The following ZNF846 variants were observed in gnomAD, a reference collection of about 807,000 sequenced individuals.
The protein encoded by ZNF846 is zinc finger protein 420 pseudogene.
A neutral mutation model predicts 16.0 loss-of-function variants in ZNF846; 15 were observed. That is an observed-to-expected ratio of 0.94 (90% CI 0.63 to 1.45). The LOEUF (loss-of-function observed/expected upper bound fraction) is 1.45. ZNF846 is among the 40% of genes most tolerant of loss of function. The pLI is 0.00. For synonymous variants in ZNF846, 229 were observed against 212.0 expected (o/e 1.08, Z -0.70); for missense variants, 714 against 622.3 (o/e 1.15, Z -1.57).
At chr19:9,784,050 T>C (rs975408403) in intron 1 of ZNF846, among the ~76,000 whole-genome samples, 1 of 152,030 alleles carries the variant, frequency 6.6e-6, no homozygotes, top group Non-Finnish European at 1.5e-5. Flanking sequence ...CAGGCCCATG[T>C]AGATTTTTTT....
downstream of ZNF846, among the ~76,000 whole-genome samples, chr19:9,751,468 TC>T (rs1186403738): frequency 6.6e-6 from 1 of 152,214 alleles, no homozygotes; most frequent in African/African-American, 2.4e-5. Flanking sequence ...CATTGTGACA[TC>T]CCCGGCCCTT....
chr19:9,782,195 T>C (rs1208093241), intron 1 of ZNF846, among the ~76,000 whole-genome samples: 1 of 152,212 alleles, frequency 6.6e-6, no homozygotes, highest in African/African-American at 2.4e-5. Context: ...GGAATGGCAC[T>C]AGCCCTTGTG....
chr19:9,750,408 A>G (rs958170773), downstream of ZNF846, among the ~76,000 whole-genome samples: 1 of 152,028 alleles, frequency 6.6e-6, no homozygotes, highest in African/African-American at 2.4e-5. Context: ...TACAACCTCT[A>G]ATGGCTGCTG....
At chr19:9,763,641 C>A (rs2045266950) in intron 2 of ZNF846, among the ~76,000 whole-genome samples, 1 of 152,192 alleles carries the variant, frequency 6.6e-6, no homozygotes, top group Admixed American at 6.5e-5. Context: ...GCTCTTCTGG[C>A]CTTAGTCCTC....
At chr19:9,778,491 A>G (rs1169326971) in intron 1 of ZNF846, among the ~76,000 whole-genome samples, 1 of 152,178 alleles carries the variant, frequency 6.6e-6, no homozygotes, top group Non-Finnish European at 1.5e-5. Context: ...AATGCAGGTG[A>G]CAGAAAAACA....
chr19:9,765,577 G>A (rs2045302345), intron 1 of ZNF846, among the ~76,000 whole-genome samples: 2 of 152,008 alleles, frequency 1.3e-5, no homozygotes, highest in African/African-American at 4.8e-5. Context: ...GGAGGCTGAG[G>A]AAACAGAATA....
At chr19:9,764,557 C>T (rs1599390510) in intron 2 of ZNF846, among the ~76,000 whole-genome samples, 1 of 152,218 alleles carries the variant, frequency 6.6e-6, no homozygotes, top group East Asian at 1.9e-4. Context: ...TAACCTACCC[C>T]CGCCCTCACT....
chr19:9,763,634 C>A (rs972380938), intron 2 of ZNF846, among the ~76,000 whole-genome samples: 3 of 152,228 alleles, frequency 2.0e-5, no homozygotes, highest in African/African-American at 7.2e-5. Context: ...ACAATGGGCT[C>A]TTCTGGCCTT....
intron 1 of ZNF846, among the ~76,000 whole-genome samples, chr19:9,780,281 G>A (rs10419915): frequency 0.18 from 27,064 of 151,624 alleles, 4,660 homozygotes; most frequent in African/African-American, 0.45. Context: ...CATGTACACT[G>A]CAGCTTACAA....
At chr19:9,760,455 C>T (rs1421802165) in intron 4 of ZNF846, among the ~76,000 whole-genome samples, 2 of 151,390 alleles carry the variant, frequency 1.3e-5, no homozygotes, top group African/African-American at 2.5e-5. Flanking sequence ...AATCCCAGCA[C>T]TTTGGGAGGT....
chr19:9,757,244 CA>C (rs569537505), downstream of ZNF846, among the ~76,000 whole-genome samples: 10 of 151,388 alleles, frequency 6.6e-5, no homozygotes, highest in Admixed American at 2.6e-4. Context: ...AAGGCTTTAC[CA>C]CATGCCTTAG....
chr19:9,765,267 C>T (rs562600928), intron 1 of ZNF846, among the ~76,000 whole-genome samples: 14 of 152,180 alleles, frequency 9.2e-5, no homozygotes, highest in South Asian at 6.2e-4. Context: ...CCTAGCTACT[C>T]GGGAGGCCGA....
In ZNF846 at chr19:9,783,208, C is replaced by A. The variant is rs969068242; in HGVS notation, c.-86+2730G>T. ...TACAGACCTGAGTACCTGGACTTCT[C>A]CCTATAATTCTTTTTTTTTTTTTTT... On this transcript the variant is annotated intron_variant, in intron 1 of 4. Transcript: ENST00000586814. 2.7e-5 allele frequency among the ~76,000 whole-genome samples: 4 copies of A among 146,840 alleles called. No individual in the cohort carries two copies. The Admixed American group carries it at 2.8e-4, about 10-fold the overall frequency.
chr19:9,783,076 C>T (rs2045517777), intron 1 of ZNF846, among the ~76,000 whole-genome samples: 2 of 152,008 alleles, frequency 1.3e-5, no homozygotes, highest in South Asian at 4.1e-4. Context: ...TGTATGCCAC[C>T]ATGCCTGGCT....
At chr19:9,749,646 C>G (rs888830910), downstream of ZNF846, among the ~76,000 whole-genome samples, 1 of 149,766 alleles carries the variant, frequency 6.7e-6, no homozygotes, top group East Asian at 2.0e-4. Flanking sequence ...AGCATAGTAT[C>G]AACCTCACCC....
downstream of ZNF846, among the ~76,000 whole-genome samples, chr19:9,757,068 G>A (rs1168605162): frequency 6.6e-6 from 1 of 151,410 alleles, no homozygotes; most frequent in Admixed American, 6.6e-5. Flanking sequence ...GGTGGCACAT[G>A]CCCGTAGTCC....
At chr19:9,749,002 C>A (rs184281806), downstream of ZNF846, among the ~76,000 whole-genome samples, 1 of 152,144 alleles carries the variant, frequency 6.6e-6, no homozygotes, top group Admixed American at 6.5e-5. Flanking sequence ...ACTCTACAAC[C>A]GCGATGGACT....
intron 1 of ZNF846, among the ~76,000 whole-genome samples, chr19:9,766,652 T>A (rs868031528): frequency 6.6e-6 from 1 of 150,838 alleles, no homozygotes; most frequent in Non-Finnish European, 1.5e-5. Context: ...CCGAGGTGAG[T>A]GGATCACAAG....
intron 1 of ZNF846, among the ~76,000 whole-genome samples, chr19:9,784,956 G>C (rs976028918): frequency 3.9e-5 from 6 of 152,188 alleles, no homozygotes; most frequent in African/African-American, 1.4e-4. Flanking sequence ...ATTTTTCTAA[G>C]TACAGATCAA....
Sources: allele counts gnomAD v4.1 joint callset (sites outside exome capture counted in the v4.1 genomes callset), GRCh38; gene constraint gnomAD v4.1.1; transcripts MANE v1.5; gene names NCBI Gene and HGNC (gene_info 2026-07-23, HGNC 2026-07-21).